SNTG1: variants seen among roughly 807,000 people sequenced by gnomAD.
SNTG1 encodes the protein gamma-1-syntrophin.
In SNTG1, 39 loss-of-function variants were observed where a neutral mutation model predicts 74.7. The ratio of observed to expected loss-of-function variants is 0.52; its 90% CI spans 0.40 to 0.68. The LOEUF (loss-of-function observed/expected upper bound fraction) is 0.68. Among genes scored for constraint, SNTG1 ranks in the 30% least tolerant of loss-of-function variants. The pLI, the probability that SNTG1 is intolerant of heterozygous loss-of-function variation, is 0.00. For missense variants in SNTG1, 685 were observed against 609.5 expected, an observed-to-expected ratio of 1.12 and a Z score of -1.30; for synonymous variants, 254 against 217.1, an observed-to-expected ratio of 1.17 and a Z score of -1.49.
At chr8:50,001,403 C>A (rs780270073) in intron 1 of SNTG1, among the ~76,000 whole-genome samples, 1 of 152,078 alleles carries the variant, frequency 6.6e-6, no homozygotes, top group Non-Finnish European at 1.5e-5. Flanking sequence ...GGAAGGTGGC[C>A]TTGAACTGCT....
At chr8:50,261,566 A>T (rs1407356092) in intron 2 of SNTG1, among the ~76,000 whole-genome samples, 2 of 152,146 alleles carry the variant, frequency 1.3e-5, no homozygotes, top group Non-Finnish European at 2.9e-5. Flanking sequence ...ACTAATTATT[A>T]GCAACAATGT....
At chr8:50,639,472 A>G (rs2095058864) in intron 13 of SNTG1, among the ~76,000 whole-genome samples, 1 of 152,032 alleles carries the variant, frequency 6.6e-6, no homozygotes, top group Non-Finnish European at 1.5e-5. Context: ...AGCAGTATAA[A>G]TTAAAAAGAA....
chr8:50,022,220 TAAC>T (rs1816886974), intron 1 of SNTG1, among the ~76,000 whole-genome samples: 1 of 152,102 alleles, frequency 6.6e-6, no homozygotes, highest in Non-Finnish European at 1.5e-5. Flanking sequence ...ATGGAGACAA[TAAC>T]AATGTCTCGA....
At chr8:49,943,972 C>T (rs1202980915) in intron 1 of SNTG1, among the ~76,000 whole-genome samples, 1 of 151,966 alleles carries the variant, frequency 6.6e-6, no homozygotes, top group Non-Finnish European at 1.5e-5. Context: ...AGTTCAAAAG[C>T]AAATAAAGTG....
chr8:50,354,456 A>G (rs1166015332), intron 2 of SNTG1, among the ~76,000 whole-genome samples: 1 of 152,054 alleles, frequency 6.6e-6, no homozygotes, highest in Non-Finnish European at 1.5e-5. Flanking sequence ...AACATTTTCT[A>G]TATATTGTAT....
At chr8:50,471,512 C>A in intron 8 of SNTG1, among the ~76,000 whole-genome samples, 1 of 152,156 alleles carries the variant, frequency 6.6e-6, no homozygotes, top group Non-Finnish European at 1.5e-5. Flanking sequence ...TTCACTGCAG[C>A]TAGAAATGCA....
At chr8:50,173,010 A>G (rs1411267237) in intron 2 of SNTG1, among the ~76,000 whole-genome samples, 1 of 80,068 alleles carries the variant, frequency 1.2e-5, no homozygotes, top group East Asian at 2.7e-4. Flanking sequence ...CTCTTCATGA[A>G]GATGGTAACT....
chr8:50,399,322 A>G (rs1331165800), intron 3 of SNTG1, among the ~76,000 whole-genome samples: 2 of 152,172 alleles, frequency 1.3e-5, no homozygotes, highest in Non-Finnish European at 2.9e-5. Context: ...CAAAGACTGT[A>G]TTCTGTTTTC....
At chr8:50,413,655 G>A (rs753286643) in intron 4 of SNTG1, among the ~76,000 whole-genome samples, 2 of 152,152 alleles carry the variant, frequency 1.3e-5, no homozygotes, top group Non-Finnish European at 2.9e-5. Flanking sequence ...TATCTTTGAA[G>A]AGCCTCCTCT....
rs189893838 is a variant in SNTG1 at position 50,497,086 on chromosome 8, T to A, written c.364-5692T>A. 3.2e-4 allele frequency among the ~76,000 whole-genome samples: 49 copies of A among 152,124 alleles called. 1 individual carries two copies. Among genetic ancestry groups the A allele is most frequent in the African/African-American group, 1.2e-3 (48 of 41,550 alleles). ...AGACTTAAAATTATGATTACACAGA[T>A]ACTCATAAGTGACCTTATATTTTAA... is the stretch of plus-strand genomic sequence containing the variant. On this transcript the variant is annotated intron_variant, in intron 8 of 18. Transcript: ENST00000642720.
chr8:50,475,325 A>AT (rs1210129382), intron 8 of SNTG1, among the ~76,000 whole-genome samples: 2 of 152,196 alleles, frequency 1.3e-5, no homozygotes, highest in Middle Eastern at 3.4e-3. Context: ...CACAATTAAA[A>AT]TTTTTTTAAA....
intron 17 of SNTG1, among the ~76,000 whole-genome samples, chr8:50,713,136 T>A (rs1030530504): frequency 6.6e-6 from 1 of 152,190 alleles, no homozygotes; most frequent in Admixed American, 6.5e-5. Context: ...AAAGTATTCC[T>A]ATTTCTCCAC....
At chr8:50,189,078 G>T (rs984022972) in intron 2 of SNTG1, among the ~76,000 whole-genome samples, 1 of 152,080 alleles carries the variant, frequency 6.6e-6, no homozygotes, top group African/African-American at 2.4e-5. Flanking sequence ...ATCCATGGAG[G>T]TCTCACAGGA....
chr8:50,330,121 C>T (rs922138444), intron 2 of SNTG1, among the ~76,000 whole-genome samples: 31 of 152,266 alleles, frequency 2.0e-4, no homozygotes, highest in African/African-American at 7.0e-4. Context: ...TGTGGTGGGA[C>T]TCAGTTGGAA....
intron 1 of SNTG1, among the ~76,000 whole-genome samples, chr8:50,035,501 A>G (rs186274448): frequency 4.0e-4 from 61 of 152,298 alleles, no homozygotes; most frequent in Admixed American, 6.5e-4. Flanking sequence ...ATGAGCAAAA[A>G]TGTGAAGATT....
At chr8:50,711,001 C>T (rs2131558679) in intron 17 of SNTG1, among the ~76,000 whole-genome samples, 1 of 152,144 alleles carries the variant, frequency 6.6e-6, no homozygotes, top group Non-Finnish European at 1.5e-5. Flanking sequence ...TTATATTATC[C>T]ATCACTGATT....
intron 2 of SNTG1, among the ~76,000 whole-genome samples, chr8:50,278,784 C>G (rs1333921928): frequency 6.6e-6 from 1 of 152,036 alleles, no homozygotes; most frequent in Non-Finnish European, 1.5e-5. Flanking sequence ...CATCAGACAT[C>G]TTTCAATTAG....
rs552155626 is a variant in SNTG1, at chr8:50,420,989, C to T, written c.163-17554C>T. ...ATGGTGACCCAAGACTATACCACTG[C>T]ACTCCAGCCTGGCAACAGAGTGAGA... On this transcript the variant is annotated intron_variant, in intron 4 of 18. Coordinates refer to ENST00000642720, the MANE Select transcript of SNTG1 (RefSeq NM_018967.5). Among the ~76,000 whole-genome samples, 3 of 133,266 alleles carry T rather than the reference C, an allele frequency of 2.3e-5. No homozygotes were observed. The East Asian group carries it at 6.8e-4, about 30-fold the overall frequency. The allele number at this position is 133,266 out of a possible 152,430, so 87.4% of individuals were successfully genotyped here.
chr8:50,194,400 GT>G (rs1218743089), intron 2 of SNTG1, among the ~76,000 whole-genome samples: 1 of 151,980 alleles, frequency 6.6e-6, no homozygotes, highest in Non-Finnish European at 1.5e-5. Flanking sequence ...AAGCCAGGAA[GT>G]TGTATTTTTC....
Sources: gnomAD v4.1 joint callset for allele counts (sites outside exome capture counted in the v4.1 genomes callset) on GRCh38, gnomAD v4.1.1 for gene constraint, MANE v1.5 for transcripts, NCBI Gene and HGNC (gene_info 2026-07-23, HGNC 2026-07-21) for gene names.